Variants in MEMO1 observed in about 807,000 individuals in gnomAD.
MEMO1 encodes the protein mediator of cell motility 1, also known as protein MEMO1.
MEMO1 carries 6 observed loss-of-function variants against 45.2 expected under a neutral mutation model. The observed-to-expected ratio is 0.13, with a 90% CI of 0.07 to 0.26. MEMO1 has a LOEUF of 0.26. MEMO1 is among the 10% of genes least tolerant of loss of function. The pLI, the probability that MEMO1 is intolerant of heterozygous loss-of-function variation, is 1.00. For synonymous variants in MEMO1, 78 were observed against 124.3 expected (o/e 0.63, Z 2.48); for missense variants, 184 against 370.5 (o/e 0.50, Z 4.13).
At chr2:31,996,177 G>C (rs993663837) in intron 2 of MEMO1, among the ~76,000 whole-genome samples, 13 of 151,640 alleles carry the variant, frequency 8.6e-5, no homozygotes, top group African/African-American at 3.1e-4. Context: ...GAGAGAGAGG[G>C]AGAGGAGAGG....
chr2:31,955,887 C>T (rs1467029427), intron 2 of MEMO1, among the ~76,000 whole-genome samples: 1 of 152,164 alleles, frequency 6.6e-6, no homozygotes, highest in Non-Finnish European at 1.5e-5. Flanking sequence ...GTAGTACAGG[C>T]GTGAGCCACC....
chr2:31,973,827 A>G (rs1669694505), intron 2 of MEMO1, among the ~76,000 whole-genome samples: 1 of 152,210 alleles, frequency 6.6e-6, no homozygotes, highest in Non-Finnish European at 1.5e-5. Context: ...GGAAAAGGAG[A>G]GTGACTGCTT....
chr2:31,890,149 C>T (rs1404360355), intron 7 of MEMO1, among the ~76,000 whole-genome samples: 2 of 152,046 alleles, frequency 1.3e-5, no homozygotes, highest in Non-Finnish European at 2.9e-5. Flanking sequence ...GATGATTCCA[C>T]AGAAAAGAGC....
At chr2:31,897,191 T>C (rs935621882) in intron 6 of MEMO1, among the ~76,000 whole-genome samples, 1 of 152,232 alleles carries the variant, frequency 6.6e-6, no homozygotes, top group Admixed American at 6.5e-5. Flanking sequence ...ACTTCCTCTC[T>C]TCCTATTTGA....
intron 2 of MEMO1, among the ~76,000 whole-genome samples, chr2:31,990,095 C>T (rs908984731): frequency 1.3e-5 from 2 of 152,232 alleles, no homozygotes; most frequent in South Asian, 2.1e-4. Flanking sequence ...CCAGCATGGA[C>T]GACAGAGCAA....
intron 6 of MEMO1, among the ~76,000 whole-genome samples, chr2:31,907,835 TACAACTAGC>T (rs1281213663): frequency 5.4e-5 from 8 of 149,246 alleles, no homozygotes; most frequent in Non-Finnish European, 1.2e-4. Context: ...ACACAACTAG[TACAACTAGC>T]AAAACAGAAA....
Position 31,907,786 on chromosome 2 carries a change from A to AACACACAC in MEMO1, c.437+10132_437+10139dup, listed in dbSNP as rs3065385. Among the ~76,000 whole-genome samples the AACACACAC allele has an allele frequency of 2.1e-3, 303 of 145,394 alleles. 1 individual carries two copies. Among genetic ancestry groups the AACACACAC allele is most frequent in the African/African-American group, 4.3e-3 (169 of 39,290 alleles). ...CCAGCAGGAGCAAGACCGTGTCTTA[A>AACACACAC]ACACACACACACACACACACACACA... On this transcript the variant is annotated intron_variant, in intron 6 of 9. Coordinates refer to ENST00000404530, the MANE Select transcript of MEMO1 (RefSeq NM_001301833.4).
chr2:32,001,318 C>T (rs956234995), intron 2 of MEMO1, among the ~76,000 whole-genome samples: 32 of 151,762 alleles, frequency 2.1e-4, no homozygotes, highest in Non-Finnish European at 4.6e-4. Flanking sequence ...GGATTACAGG[C>T]TTGAGCCATC....
Position 31,891,946 on chromosome 2 carries a change from A to G in MEMO1, c.580+46T>C, listed in dbSNP as rs777623603. 1.2e-5 allele frequency: 18 copies of G among 1,538,610 alleles called. No individual in the cohort carries two copies. In the South Asian group the frequency reaches 1.8e-4, roughly 16 times the overall value. On this transcript the variant is annotated intron_variant, in intron 7 of 9. Transcript: ENST00000404530. ...TTAGAATGAAAAGATACCTTTAACCAGAAGTATATAACATCTACCATGATA... is the reference window on the plus strand; with the variant it reads ...TTAGAATGAAAAGATACCTTTAACCGGAAGTATATAACATCTACCATGATA...
At chr2:31,882,311 T>C (rs924227129) in intron 8 of MEMO1, among the ~76,000 whole-genome samples, 3 of 152,112 alleles carry the variant, frequency 2.0e-5, no homozygotes, top group Non-Finnish European at 4.4e-5. Context: ...AATGAGTCCC[T>C]GTCTCTTAAA....
At chr2:31,883,902 G>GA (rs1310385145) in intron 7 of MEMO1, among the ~76,000 whole-genome samples, 8 of 148,236 alleles carry the variant, frequency 5.4e-5, no homozygotes, top group African/African-American at 1.5e-4. Flanking sequence ...CTATTACGGG[G>GA]GAAAAAAAAA....
chr2:31,983,963 G>C (rs1245314127), intron 2 of MEMO1, among the ~76,000 whole-genome samples: 1 of 152,202 alleles, frequency 6.6e-6, no homozygotes, highest in Non-Finnish European at 1.5e-5. Flanking sequence ...CAACAAAATA[G>C]TGTGGGATTG....
At chr2:31,873,196 T>C (rs1402032748) in intron 8 of MEMO1, among the ~76,000 whole-genome samples, 2 of 152,098 alleles carry the variant, frequency 1.3e-5, no homozygotes, top group Non-Finnish European at 2.9e-5. Context: ...ATAGTGAAAA[T>C]TTGATTGTTC....
chr2:31,902,333 G>A lies in MEMO1; in HGVS notation c.438-10199C>T, dbSNP rs182352606. On this transcript the variant is annotated intron_variant, in intron 6 of 9. Coordinates refer to ENST00000404530, the MANE Select transcript of MEMO1 (RefSeq NM_001301833.4). The stretch of plus-strand genomic sequence containing the variant: ...GAATCATTTGAACCTGGGAGGTGGA[G>A]GTTGCGCTGAGCCGAGATCATGCCA... Among the ~76,000 whole-genome samples the A allele has an allele frequency of 5.3e-5, 8 of 152,150 alleles. No individual in the cohort carries two copies. The East Asian group carries it at 1.4e-3, about 26-fold the overall frequency.
intron 6 of MEMO1, among the ~76,000 whole-genome samples, chr2:31,902,247 C>T (rs1439862288): frequency 1.3e-5 from 2 of 151,796 alleles, no homozygotes; most frequent in African/African-American, 4.8e-5. Flanking sequence ...TGAAACCCCA[C>T]CTCTACTAAA....
chr2:31,955,279 T>C (rs1419644889), intron 2 of MEMO1, among the ~76,000 whole-genome samples: 2 of 152,174 alleles, frequency 1.3e-5, no homozygotes, highest in Non-Finnish European at 2.9e-5. Context: ...TCTCAGTGAA[T>C]GCAGCTAACA....
chr2:31,989,988 T>C (rs1671746249), intron 2 of MEMO1, among the ~76,000 whole-genome samples: 1 of 152,098 alleles, frequency 6.6e-6, no homozygotes, highest in South Asian at 2.1e-4. Flanking sequence ...CATGGTGGTA[T>C]ACACCTATAG....
intron 2 of MEMO1, among the ~76,000 whole-genome samples, chr2:31,958,677 G>A (rs962204811): frequency 6.6e-6 from 1 of 152,136 alleles, no homozygotes; most frequent in Admixed American, 6.6e-5. Flanking sequence ...TTTGAGACAA[G>A]CTCTGGCTCT....
At chr2:31,906,450 A>C (rs750176070) in intron 6 of MEMO1, among the ~76,000 whole-genome samples, 6 of 151,630 alleles carry the variant, frequency 4.0e-5, no homozygotes, top group Non-Finnish European at 5.9e-5. Context: ...CAACCTCCCA[A>C]GTAGCTTGGA....
Sources: gnomAD v4.1 joint callset for allele counts (sites outside exome capture counted in the v4.1 genomes callset) on GRCh38, gnomAD v4.1.1 for gene constraint, MANE v1.5 for transcripts, NCBI Gene and HGNC (gene_info 2026-07-23, HGNC 2026-07-21) for gene names.